SH3BGR: variants seen among roughly 807,000 people sequenced by gnomAD.
The protein encoded by SH3BGR is SH3 domain-binding glutamic acid-rich protein.
In SH3BGR, 29 loss-of-function variants were observed where a neutral mutation model predicts 24.5. The observed-to-expected ratio is 1.18, with a 90% CI of 0.88 to 1.61. The LOEUF (loss-of-function observed/expected upper bound fraction) is 1.61, where lower values mean the gene tolerates loss of function less well. Among genes scored for constraint, SH3BGR ranks in the 40% most tolerant of loss-of-function variants. The probability of loss-of-function intolerance (pLI) is 0.00; values close to 1 mark genes in which losing one functional copy is unlikely to be tolerated. For synonymous variants in SH3BGR, 55 were observed against 65.7 expected (o/e 0.84, Z 0.79); for missense variants, 162 against 205.8 (o/e 0.79, Z 1.30).
chr21:39,502,455 G>C (rs2078511160), intron 4 of SH3BGR, among the ~76,000 whole-genome samples: 1 of 152,174 alleles, frequency 6.6e-6, no homozygotes. Flanking sequence ...AAACAGAGGT[G>C]CTCCCCTGGG....
chr21:39,452,296 C>A, intron 1 of SH3BGR, 155 bp downstream of exon 1: 1 of 357,236 alleles, frequency 2.8e-6, no homozygotes, highest in Non-Finnish European at 3.9e-6. Flanking sequence ...CATTTGATTT[C>A]ATAGTGTTGA....
chr21:39,502,949 C>G (rs1183100771), intron 4 of SH3BGR, among the ~76,000 whole-genome samples: 1 of 152,038 alleles, frequency 6.6e-6, no homozygotes, highest in Non-Finnish European at 1.5e-5. Context: ...TCTTTCCTCC[C>G]CAGTCTGGCC....
chr21:39,502,042 G>A (rs1460440706), intron 4 of SH3BGR, among the ~76,000 whole-genome samples: 2 of 152,178 alleles, frequency 1.3e-5, no homozygotes, highest in African/African-American at 2.4e-5. Context: ...CTGTGATGGC[G>A]CACGCCTGTA....
At chr21:39,490,603 A>G (rs368902555) in intron 3 of SH3BGR, among the ~76,000 whole-genome samples, 103 of 152,250 alleles carry the variant, frequency 6.8e-4, no homozygotes, top group African/African-American at 2.5e-3. Flanking sequence ...TTATATCTGT[A>G]TTATATAAAG....
chr21:39,486,135 A>G (rs2078209758), intron 3 of SH3BGR, among the ~76,000 whole-genome samples: 1 of 152,248 alleles, frequency 6.6e-6, no homozygotes, highest in South Asian at 2.1e-4. Context: ...ACTTCAGGGA[A>G]GCATCAAAGC....
At chr21:39,458,849 G>T (rs1159370168) in intron 1 of SH3BGR, among the ~76,000 whole-genome samples, 1 of 151,932 alleles carries the variant, frequency 6.6e-6, no homozygotes, top group Non-Finnish European at 1.5e-5. Flanking sequence ...GTTTTACCAT[G>T]TTGGCCAGGC....
At position 39,515,141 on chromosome 21, in the gene SH3BGR, A is replaced by G. The variant is rs530743428; in HGVS notation, c.*88A>G. 59 of 470,604 alleles carry G rather than the reference A, an allele frequency of 1.3e-4. 1 individual carries two copies. The highest frequency in any genetic ancestry group is 8.3e-4 in the South Asian group (53 of 64,182). The allele number at this position is 470,604 out of a possible 1,614,324, so 29.2% of individuals were successfully genotyped here. A position where few individuals can be genotyped will look rare whatever the true frequency, so the allele number is the denominator to read the frequency against. On this transcript the variant is annotated 3_prime_UTR_variant, in exon 7 of 7. Transcript: ENST00000333634. ...AATGTCTCTCCACAAACCAAACTCAACAGAATACTTTGGCTTGAAGCCGGC... is the reference window on the plus strand; with the variant it reads ...AATGTCTCTCCACAAACCAAACTCAGCAGAATACTTTGGCTTGAAGCCGGC...
rs138435965 is a variant in SH3BGR, at chr21:39,487,568, A to G, written c.313-12255A>G. Among the ~76,000 whole-genome samples, 94 of 152,350 alleles carry G rather than the reference A, an allele frequency of 6.2e-4. 1 individual carries two copies. The highest frequency in any genetic ancestry group is 2.1e-3 in the African/African-American group (86 of 41,590). On this transcript the variant is annotated intron_variant, in intron 3 of 6. Transcript: ENST00000333634. ...CATGGGAACCACATTAGGAAGTTCT[A>G]ACATTCCAACAGCCAGACAAACATT...
intron 2 of SH3BGR, among the ~76,000 whole-genome samples, chr21:39,471,666 T>A (rs1474851048): frequency 1.3e-5 from 2 of 152,132 alleles, no homozygotes; most frequent in Non-Finnish European, 2.9e-5. Flanking sequence ...CTTGCTATGT[T>A]GCCCAGGCTG....
intron 1 of SH3BGR, among the ~76,000 whole-genome samples, chr21:39,457,987 A>G (rs1348395368): frequency 2.0e-5 from 3 of 152,248 alleles, no homozygotes; most frequent in African/African-American, 7.2e-5. Context: ...GAAACACCCT[A>G]ACACCCTATA....
intron 3 of SH3BGR, among the ~76,000 whole-genome samples, chr21:39,478,557 A>G (rs1411390273): frequency 1.3e-5 from 2 of 152,226 alleles, no homozygotes; most frequent in Non-Finnish European, 2.9e-5. Flanking sequence ...TTGGAAGGTC[A>G]TGTGCCTTGG....
In SH3BGR at chr21:39,475,120, T is replaced by C. The variant is rs1238949430; in HGVS notation, c.232-15T>C. On this transcript the variant is annotated splice_polypyrimidine_tract_variant and intron_variant, in intron 2 of 6. Transcript: ENST00000333634. Reference sequence around the variant, plus strand: ...GTGTGCAGTAGTTTTAAACTTTCTTTTTCTTTGCTTCAAGGATTTTGACTC... The same window carrying C: ...GTGTGCAGTAGTTTTAAACTTTCTTCTTCTTTGCTTCAAGGATTTTGACTC... 2.6e-6 allele frequency: 4 copies of C among 1,556,852 alleles called. No individual in the cohort carries two copies. The highest frequency in any genetic ancestry group is 3.5e-6 in the Non-Finnish European group (4 of 1,130,388).
chr21:39,499,326 CTCCG>C (rs148462283), intron 3 of SH3BGR, among the ~76,000 whole-genome samples: 2,613 of 147,482 alleles, frequency 0.018, 79 homozygotes, highest in African/African-American at 0.061. Flanking sequence ...CCATCCATTC[CTCCG>C]TCTGTCTGTC....
chr21:39,482,622 CT>C (rs924609159), intron 3 of SH3BGR, among the ~76,000 whole-genome samples: 21 of 152,086 alleles, frequency 1.4e-4, no homozygotes, highest in Admixed American at 3.9e-4. Context: ...TGTAGTTCAT[CT>C]TTAAAAGCTT....
chr21:39,513,280 T>C (rs75043774), intron 6 of SH3BGR, among the ~76,000 whole-genome samples: 12,981 of 152,160 alleles, frequency 0.085, 796 homozygotes, highest in African/African-American at 0.17. Context: ...TAAGAATTGG[T>C]GCATGTACAA....
intron 1 of SH3BGR, among the ~76,000 whole-genome samples, chr21:39,452,605 A>G (rs529646271): frequency 6.6e-6 from 1 of 152,338 alleles, no homozygotes; most frequent in South Asian, 2.1e-4. Flanking sequence ...ATGTAACCAT[A>G]CTGAAAGTGT....
At chr21:39,462,171 T>A (rs745855189) in intron 1 of SH3BGR, among the ~76,000 whole-genome samples, 14 of 152,152 alleles carry the variant, frequency 9.2e-5, no homozygotes, top group Non-Finnish European at 1.6e-4. Context: ...AATTTAAGCA[T>A]TGATGATACT....
chr21:39,495,397 T>C lies in SH3BGR; in HGVS notation c.313-4426T>C, dbSNP rs375541896. ...TTGGACCCAAACAGCAAACTCTATG[T>C]TTCTAGTAGCAGCTATCCTATTACT... On this transcript the variant is annotated intron_variant, in intron 3 of 6. Coordinates refer to ENST00000333634, the MANE Select transcript of SH3BGR (RefSeq NM_007341.3). Among the ~76,000 whole-genome samples the C allele has an allele frequency of 6.7e-4, 102 of 152,322 alleles. 1 individual carries two copies. Among genetic ancestry groups the C allele is most frequent in the African/African-American group, 2.1e-3 (86 of 41,568 alleles).
chr21:39,470,835 T>A (rs1051104807), intron 2 of SH3BGR, among the ~76,000 whole-genome samples: 1 of 152,220 alleles, frequency 6.6e-6, no homozygotes, highest in Non-Finnish European at 1.5e-5. Context: ...TGAAGTTCTC[T>A]TGGTGGTAAC....
Sources: gnomAD v4.1 joint callset for allele counts (sites outside exome capture counted in the v4.1 genomes callset) on GRCh38, gnomAD v4.1.1 for gene constraint, MANE v1.5 for transcripts, NCBI Gene and HGNC (gene_info 2026-07-23, HGNC 2026-07-21) for gene names.